Variants in TTC1 observed in about 807,000 individuals in gnomAD.
TTC1 encodes the protein tetratricopeptide repeat domain 1, also known as tetratricopeptide repeat protein 1.
In TTC1, 31 loss-of-function variants were observed where a neutral mutation model predicts 37.6. The observed-to-expected ratio is 0.82, with a 90% confidence interval of 0.62 to 1.11. The LOEUF is 1.11. Among genes scored for constraint, TTC1 ranks in the 50% most tolerant of loss-of-function variants. TTC1 has a pLI of 0.00. For missense variants in TTC1, 351 were observed against 339.0 expected, an observed-to-expected ratio of 1.04 and a Z score of -0.28; for synonymous variants, 127 against 122.4, an observed-to-expected ratio of 1.04 and a Z score of -0.25.
intron 6 of TTC1, 95 bp from the exon 7 acceptor site, chr5:160,051,034 A>G (rs1252529975): frequency 3.5e-5 from 34 of 965,930 alleles, no homozygotes; most frequent in Admixed American, 9.8e-5. Context: ...TTATTTCCAC[A>G]TTAGGATTCT....
At position 160,029,771 on chromosome 5, in the gene TTC1, C is replaced by T. The variant is rs141054529; in HGVS notation, c.331-5369C>T. Among the ~76,000 whole-genome samples the T allele has an allele frequency of 3.9e-5, 6 of 152,262 alleles. No individual in the cohort carries two copies. The East Asian group carries it at 1.2e-3, about 29-fold the overall frequency. On this transcript the variant is annotated intron_variant, in intron 2 of 7. Coordinates refer to ENST00000231238, the MANE Select transcript of TTC1 (RefSeq NM_003314.3). ...ACTACACCTGGAATATTATGTAAAC[C>T]TGCAACAAAGTTCACCCTTGGGAGA...
chr5:160,014,379 C>T (rs557822257), intron 2 of TTC1, among the ~76,000 whole-genome samples: 10 of 150,082 alleles, frequency 6.7e-5, no homozygotes, highest in African/African-American at 2.2e-4. Flanking sequence ...TAAATAGTCA[C>T]ATGGGCCAGG....
intron 7 of TTC1, among the ~76,000 whole-genome samples, chr5:160,054,065 G>A (rs965543140): frequency 5.3e-5 from 8 of 151,954 alleles, no homozygotes; most frequent in African/African-American, 1.9e-4. Flanking sequence ...CTGGAGTGGG[G>A]GTTGGTTGTT....
intron 3 of TTC1, among the ~76,000 whole-genome samples, chr5:160,036,327 C>G (rs1756998339): frequency 6.6e-6 from 1 of 152,122 alleles, no homozygotes; most frequent in South Asian, 2.1e-4. Flanking sequence ...AGTTTAGTCT[C>G]TTTCCTCTGT....
At chr5:160,043,217 TCAGA>T (rs752169523) in intron 5 of TTC1, 48 bp downstream of exon 5, 18 of 1,607,030 alleles carry the variant, frequency 1.1e-5, no homozygotes, top group South Asian at 3.3e-5. Context: ...GAGCATTATG[TCAGA>T]CAGAGGGGCT....
In TTC1 at chr5:160,036,813, T is replaced by A; in HGVS notation, c.504+10T>A. The stretch of plus-strand genomic sequence containing the variant: ...AGCAAGGATGAAACAGGTATGTATC[T>A]GTGACCTTTTCTTTTTAAAAAGCAC... On this transcript the variant is annotated intron_variant, in intron 4 of 7. Coordinates refer to ENST00000231238, the MANE Select transcript of TTC1 (RefSeq NM_003314.3). 6.3e-7 allele frequency: 1 copy of A among 1,586,916 alleles called. No individual in the cohort carries two copies. Among genetic ancestry groups the A allele is most frequent in the Non-Finnish European group, 8.6e-7 (1 of 1,156,764 alleles).
chr5:160,040,265 T>C (rs901952602), intron 4 of TTC1, among the ~76,000 whole-genome samples: 2 of 150,832 alleles, frequency 1.3e-5, no homozygotes, highest in African/African-American at 4.9e-5. Flanking sequence ...CACATATGTA[T>C]ACACACACAC....
intron 7 of TTC1, among the ~76,000 whole-genome samples, chr5:160,056,418 C>A (rs1581123783): frequency 6.6e-6 from 1 of 152,320 alleles, no homozygotes; most frequent in East Asian, 1.9e-4. Context: ...AGAATACCAT[C>A]TGGAGCTTGG....
At chr5:160,017,617 C>G (rs1355656589) in intron 2 of TTC1, among the ~76,000 whole-genome samples, 1 of 152,122 alleles carries the variant, frequency 6.6e-6, no homozygotes, top group Admixed American at 6.5e-5. Context: ...AGTATTGATT[C>G]CATAAGAAAA....
intron 6 of TTC1, 43 bp from the exon 7 acceptor site, chr5:160,051,086 T>G (rs753860540): frequency 3.2e-5 from 47 of 1,480,718 alleles, no homozygotes; most frequent in African/African-American, 1.4e-4. Context: ...GTTTTGGTTT[T>G]TTTTTTTTTT....
intron 1 of TTC1, among the ~76,000 whole-genome samples, 200 bp from the exon 2 acceptor site, chr5:160,010,300 C>A (rs975000246): frequency 1.4e-5 from 2 of 147,786 alleles, no homozygotes; most frequent in Non-Finnish European, 3.0e-5. Context: ...CCAGATTTGA[C>A]CAGAAAAGGG....
At position 160,065,222 on chromosome 5, in the gene TTC1, TC is replaced by T; in HGVS notation, c.*158del. On this transcript the variant is annotated 3_prime_UTR_variant, in exon 8 of 8. Coordinates refer to ENST00000231238, the MANE Select transcript of TTC1 (RefSeq NM_003314.3). ...GTGCTCCCTTGTCCCTCTTTTATGA[TC>T]AGGGTGAAATGTACTTCCTGATGTA... The T allele has an allele frequency of 1.9e-6, 2 of 1,047,468 alleles. No individual in the cohort carries two copies. The highest frequency in any genetic ancestry group is 1.6e-5 in the African/African-American group (1 of 63,374). The allele number at this position is 1,047,468 out of a possible 1,614,324, so 64.9% of individuals were successfully genotyped here. A position where few individuals can be genotyped will look rare whatever the true frequency, so the allele number is the denominator to read the frequency against.
intron 4 of TTC1, 107 bp from the exon 5 acceptor site, chr5:160,043,026 T>G: frequency 8.6e-7 from 1 of 1,161,354 alleles, no homozygotes; most frequent in Admixed American, 2.5e-5. Context: ...TTGAAAACCA[T>G]TCTGTATCTC....
rs1757133379 is a variant in TTC1, at chr5:160,043,245, G to A, written c.541+76G>A. 49 of 1,521,890 alleles carry A rather than the reference G, an allele frequency of 3.2e-5. 1 individual carries two copies. The South Asian group carries it at 5.4e-4, about 17-fold the overall frequency. The allele number at this position is 1,521,890 out of a possible 1,614,324, so 94.3% of individuals were successfully genotyped here. A position where few individuals can be genotyped will look rare whatever the true frequency, so the allele number is the denominator to read the frequency against. On this transcript the variant is annotated intron_variant, in intron 5 of 7. Transcript: ENST00000231238. ...GACAGAGGGGCTTTGGGTCAGGTGT[G>A]CACTTGTACATGTGTACCCTTCCTC...
intron 2 of TTC1, among the ~76,000 whole-genome samples, chr5:160,028,430 T>C (rs1194604313): frequency 1.3e-5 from 2 of 152,154 alleles, no homozygotes; most frequent in Admixed American, 1.3e-4. Context: ...AGTCTTTTTG[T>C]TTTCATTCTT....
rs560785776 is a variant in TTC1, at chr5:160,019,337, G to A, written c.330+8479G>A. 3.9e-5 allele frequency among the ~76,000 whole-genome samples: 6 copies of A among 152,210 alleles called. No individual in the cohort carries two copies. In the East Asian group the frequency reaches 1.2e-3, roughly 29 times the overall value. ...AGTTTAGAACAGATGTTATATTTCA[G>A]TCTCTTCCCTCTGTCATTTTTCCTA... On this transcript the variant is annotated intron_variant, in intron 2 of 7. Transcript: ENST00000231238.
chr5:160,064,933 T>A lies in TTC1; in HGVS notation c.747T>A (p.Gly249=). The change falls in exon 8 of 8, where the codon GGT becomes GGA. Residue 249 remains glycine (G), a splice_region_variant and synonymous_variant. Coordinates refer to ENST00000231238, the MANE Select transcript of TTC1 (RefSeq NM_003314.3). ...TGAGTTTTTGCTTTTACATTACAGG[T>A]AAATTAAAAGATCTTGGGAACTTGG... is the stretch of plus-strand genomic sequence containing the variant. ...RNERLKEEML[G]KLKDLGNLVL... is the part of the protein sequence containing the mutation. The A allele has an allele frequency of 6.2e-7, 1 of 1,606,384 alleles. No individual in the cohort carries two copies. Among genetic ancestry groups the A allele is most frequent in the Non-Finnish European group, 8.5e-7 (1 of 1,178,342 alleles).
intron 1 of TTC1, among the ~76,000 whole-genome samples, chr5:160,010,257 CAAAAAAAA>C (rs397882520): frequency 2.0e-5 from 1 of 50,320 alleles, no homozygotes; most frequent in Non-Finnish European, 3.9e-5. Flanking sequence ...GATTAAGTCT[CAAAAAAAA>C]AAAAAAAAAA....
intron 5 of TTC1, among the ~76,000 whole-genome samples, chr5:160,046,071 C>G (rs1427556119): frequency 6.6e-6 from 1 of 152,212 alleles, no homozygotes; most frequent in Non-Finnish European, 1.5e-5. Context: ...AAAACCTTCT[C>G]CTGACCCAAT....
Sources: gnomAD v4.1 joint callset for allele counts (sites outside exome capture counted in the v4.1 genomes callset) on GRCh38, gnomAD v4.1.1 for gene constraint, MANE v1.5 for transcripts, NCBI Gene and HGNC (gene_info 2026-07-23, HGNC 2026-07-21) for gene names.